PLK4: variants seen among roughly 807,000 people sequenced by gnomAD.
PLK4 encodes the protein serine/threonine-protein kinase PLK4.
PLK4 carries 51 observed loss-of-function variants against 103.0 expected under a neutral mutation model. The observed-to-expected ratio is 0.50, with a 90% CI of 0.40 to 0.63. PLK4 has a LOEUF of 0.63. Ranked by LOEUF, PLK4 falls within the 20% of genes least tolerant of loss-of-function variation. The probability of loss-of-function intolerance (pLI) is 0.00; values close to 1 mark genes in which losing one functional copy is unlikely to be tolerated. For synonymous variants in PLK4, 389 were observed against 376.8 expected, an observed-to-expected ratio of 1.03 and a Z score of -0.38; for missense variants, 1,054 against 1,151.0, an observed-to-expected ratio of 0.92 and a Z score of 1.22.
Position 127,889,907 on chromosome 4 carries a change from A to C in PLK4, c.1501A>C (p.Asn501His), listed in dbSNP as rs1301170658. The change falls in exon 7 of 16, where the codon AAC (asparagine) becomes CAC (histidine). Residue 501 changes from asparagine to histidine, a missense_variant. Asn to His is a moderately conservative substitution (Grantham distance 68). Coordinates refer to ENST00000270861, the MANE Select transcript of PLK4 (RefSeq NM_014264.5). The stretch of plus-strand genomic sequence containing the variant: ...TACTGAATATGACAGCATCAGCCCA[A>C]ACCGGGACTTCCAGGGCCATCCAGA... Reference protein sequence around the residue: ...KTTEYDSISPNRDFQGHPDLQ... With the variant: ...KTTEYDSISPHRDFQGHPDLQ... The C allele has an allele frequency of 6.2e-7, 1 of 1,612,876 alleles. No individual in the cohort carries two copies. The highest frequency in any genetic ancestry group is 8.5e-7 in the Non-Finnish European group (1 of 1,179,450).
Position 127,893,868 on chromosome 4 carries a change from T to G in PLK4, c.2549T>G (p.Ile850Ser), listed in dbSNP as rs1735461274. Residue 850 changes from isoleucine to serine, a missense_variant, in exon 13 of 16, where the codon ATC (isoleucine) becomes AGC (serine). By Grantham distance (142) the Ile-to-Ser change is moderately radical (BLOSUM62 -2). Transcript: ENST00000270861. Reference sequence around the variant, plus strand: ...GCTGCTTCTCCAACACAGGCACCAATCCTTAATCCCTCTGTAAGTAAATAT... The same window carrying G: ...GCTGCTTCTCCAACACAGGCACCAAGCCTTAATCCCTCTGTAAGTAAATAT... ...HSAASPTQAP[I>S]LNPSMVTNEG... The G allele has an allele frequency of 6.5e-7, 1 of 1,527,228 alleles. No homozygotes were observed. Among genetic ancestry groups the G allele is most frequent in the Non-Finnish European group, 9.1e-7 (1 of 1,101,896 alleles). 94.6% of individuals were successfully genotyped at this position (1,527,228 alleles called of 1,614,324 possible).
At chr4:127,884,936 C>T (rs1735062576) in intron 4 of PLK4, among the ~76,000 whole-genome samples, 1 of 150,350 alleles carries the variant, frequency 6.7e-6, no homozygotes, top group South Asian at 2.1e-4. Flanking sequence ...AAGACTCCAT[C>T]TAAAAAAAAA....
At chr4:127,889,736 T>A (rs1735275535) in intron 6 of PLK4, 130 bp from the exon 7 acceptor site, 2 of 653,428 alleles carry the variant, frequency 3.1e-6, no homozygotes, top group Non-Finnish European at 5.2e-6. Flanking sequence ...TTATGAGCTC[T>A]TATTGTTTTG....
intron 2 of PLK4, among the ~76,000 whole-genome samples, chr4:127,882,587 C>G (rs1306771925): frequency 1.3e-5 from 2 of 152,104 alleles, no homozygotes; most frequent in African/African-American, 2.4e-5. Context: ...TGGAGAAACC[C>G]CATCTCTACT....
At chr4:127,887,299 TTCAAA>T in intron 5 of PLK4, 92 bp from the exon 6 acceptor site, 3 of 677,580 alleles carry the variant, frequency 4.4e-6, no homozygotes, top group Non-Finnish European at 7.8e-6. Flanking sequence ...TGTTCAGGTA[TTCAAA>T]TCAGAAGAAA....
At position 127,886,042 on chromosome 4, in the gene PLK4, A is replaced by G. The variant is rs2148817790; in HGVS notation, c.672A>G (p.Val224=). 1 of 1,613,838 alleles carries G rather than the reference A, an allele frequency of 6.2e-7. No individual in the cohort carries two copies. Among genetic ancestry groups the G allele is most frequent in the Non-Finnish European group, 8.5e-7 (1 of 1,179,698 alleles). The part of the protein sequence containing the change: ...DTVKNTLNKV[V]LADYEMPSFL... ...TCAAGAACACATTAAATAAAGTAGT[A>G]TTGGCAGATTATGAAATGCCATCTT... Residue 224 remains valine, a synonymous_variant, in exon 5 of 16, where the codon GTA becomes GTG. Coordinates refer to ENST00000270861, the MANE Select transcript of PLK4 (RefSeq NM_014264.5).
rs2148826565 is a variant in PLK4, at chr4:127,898,882, CAT to C, written c.*342_*343del. On this transcript the variant is annotated 3_prime_UTR_variant, in exon 16 of 16. Coordinates refer to ENST00000270861, the MANE Select transcript of PLK4 (RefSeq NM_014264.5). ...TTTATTGTTTTCCCTGCGTCTCAGA[CAT>C]GTTGAGAATCATGGACAAAACCTGC... The C allele has an allele frequency of 6.0e-6, 1 of 167,466 alleles. No homozygotes were observed. Among genetic ancestry groups the C allele is most frequent in the East Asian group, 1.7e-4 (1 of 5,982 alleles). 10.4% of individuals were successfully genotyped at this position (167,466 alleles called of 1,614,324 possible).
intron 4 of PLK4, among the ~76,000 whole-genome samples, chr4:127,885,427 C>T (rs565397622): frequency 0.011 from 1,510 of 141,828 alleles, 24 homozygotes; most frequent in Middle Eastern, 0.073. Context: ...TGCTGTGAGC[C>T]GAGATCGCGC....
At chr4:127,881,599 A>T (rs1734930593) in intron 1 of PLK4, among the ~76,000 whole-genome samples, 1 of 152,026 alleles carries the variant, frequency 6.6e-6, no homozygotes. Context: ...GAGGAACCAG[A>T]TCACTAGGGT....
chr4:127,882,294 C>G (rs1734960984), intron 2 of PLK4, among the ~76,000 whole-genome samples: 1 of 152,108 alleles, frequency 6.6e-6, no homozygotes, highest in South Asian at 2.1e-4. Context: ...AGAAGTCAGC[C>G]TAATAGGAGT....
chr4:127,890,679 C>G (rs1735322668), intron 7 of PLK4, among the ~76,000 whole-genome samples: 1 of 152,140 alleles, frequency 6.6e-6, no homozygotes, highest in Non-Finnish European at 1.5e-5. Flanking sequence ...AAGGCATATA[C>G]ACATTTAAGT....
At position 127,895,452 on chromosome 4, in the gene PLK4, CTTT is replaced by C. The variant is rs70966059; in HGVS notation, c.2703+385_2703+387del. Among the ~76,000 whole-genome samples the C allele has an allele frequency of 1.4e-4, 9 of 65,186 alleles. No individual in the cohort carries two copies. In the East Asian group the frequency reaches 1.6e-3, roughly 12 times the overall value. The allele number at this position is 65,186 out of a possible 152,430, so 42.8% of individuals were successfully genotyped here. A position where few individuals can be genotyped will look rare whatever the true frequency, so the allele number is the denominator to read the frequency against. On this transcript the variant is annotated intron_variant, in intron 14 of 15. Coordinates refer to ENST00000270861, the MANE Select transcript of PLK4 (RefSeq NM_014264.5). Reference sequence around the variant, plus strand: ...TAATCAATATTAGTAGAGTAACTTTCTTTTTTTTTTTTTTTTTTTTTTTTTTTT... The same window carrying C: ...TAATCAATATTAGTAGAGTAACTTTCTTTTTTTTTTTTTTTTTTTTTTTTT...
At chr4:127,882,850 G>A (rs1197481036) in intron 2 of PLK4, among the ~76,000 whole-genome samples, 2 of 152,114 alleles carry the variant, frequency 1.3e-5, no homozygotes, top group African/African-American at 4.8e-5. Context: ...TGCCTGGGAG[G>A]TTGAGGCTGC....
chr4:127,893,834 A>T lies in PLK4; in HGVS notation c.2515A>T (p.Met839Leu), dbSNP rs1212118799. 6.2e-7 allele frequency: 1 copy of T among 1,610,908 alleles called. No homozygotes were observed. Among genetic ancestry groups the T allele is most frequent in the Admixed American group, 1.7e-5 (1 of 60,022 alleles). ...RERASFNRMV[M>L]HSAASPTQAP... Reference sequence around the variant, plus strand: ...GAGAGCATCTTTCAACAGAATGGTCATGCATAGTGCTGCTTCTCCAACACA... The same window carrying T: ...GAGAGCATCTTTCAACAGAATGGTCTTGCATAGTGCTGCTTCTCCAACACA... The change falls in exon 13 of 16, where the codon ATG (methionine) becomes TTG (leucine). Residue 839 changes from methionine (M) to leucine (L), a missense_variant. Coordinates refer to ENST00000270861, the MANE Select transcript of PLK4 (RefSeq NM_014264.5).
chr4:127,885,542 G>C (rs1204953305), intron 4 of PLK4, among the ~76,000 whole-genome samples, 166 bp from the exon 5 acceptor site: 1 of 150,458 alleles, frequency 6.6e-6, no homozygotes. Flanking sequence ...GTACCACTCT[G>C]ATAATTGCTG....
intron 6 of PLK4, among the ~76,000 whole-genome samples, chr4:127,888,881 T>G (rs1368552868): frequency 6.6e-6 from 1 of 152,214 alleles, no homozygotes. Flanking sequence ...CTTTTTTTAA[T>G]GTATATTATT....
rs185893966 is a variant in PLK4, at chr4:127,892,513, T to A, written c.2187T>A (p.Asp729Glu). ...PGADFEVWFY[D>E]GVKIHKTEDF... The stretch of plus-strand genomic sequence containing the variant: ...CTGATTTTGAGGTTTGGTTTTATGA[T>A]GGTAAGTACCATTTGGAAATGGTAA... The change falls in exon 10 of 16, where the codon GAT (aspartate) becomes GAA (glutamate). Residue 729 changes from aspartate to glutamate, a missense_variant and splice_region_variant. Coordinates refer to ENST00000270861, the MANE Select transcript of PLK4 (RefSeq NM_014264.5). The A allele has an allele frequency of 5.4e-5, 87 of 1,606,080 alleles. No homozygotes were observed. Among genetic ancestry groups the A allele is most frequent in the Non-Finnish European group, 1.1e-5 (13 of 1,175,748 alleles).
intron 14 of PLK4, 140 bp from the exon 15 acceptor site, chr4:127,896,661 T>A (rs539455991): frequency 4.4e-6 from 2 of 457,788 alleles, no homozygotes; most frequent in East Asian, 3.3e-5. Flanking sequence ...GTTTTTTTTT[T>A]AACTGTGGAA....
chr4:127,897,261 T>C (rs1381739003), intron 15 of PLK4, among the ~76,000 whole-genome samples: 1 of 152,172 alleles, frequency 6.6e-6, no homozygotes, highest in Non-Finnish European at 1.5e-5. Context: ...AAAAAAGAAA[T>C]CTTTAAGATA....
Sources: allele counts gnomAD v4.1 joint callset (sites outside exome capture counted in the v4.1 genomes callset), GRCh38; gene constraint gnomAD v4.1.1; transcripts MANE v1.5; gene names NCBI Gene and HGNC (gene_info 2026-07-23, HGNC 2026-07-21).